The following GRID2 variants were observed in gnomAD, a reference collection of about 807,000 sequenced individuals.
GRID2 encodes the protein glutamate receptor ionotropic, delta-2.
In GRID2, 33 loss-of-function variants were observed where a neutral mutation model predicts 114.8. The observed-to-expected ratio is 0.29, with a 90% CI of 0.22 to 0.38. GRID2 has a LOEUF of 0.38. Among genes scored for constraint, GRID2 ranks in the 10% least tolerant of loss-of-function variants. The pLI, the probability that GRID2 is intolerant of heterozygous loss-of-function variation, is 1.00. For missense variants in GRID2, 1,184 were observed against 1,257.7 expected, an observed-to-expected ratio of 0.94 and a Z score of 0.89; for synonymous variants, 505 against 449.9, an observed-to-expected ratio of 1.12 and a Z score of -1.55.
chr4:92,672,775 T>A (rs1431017103), intron 2 of GRID2, among the ~76,000 whole-genome samples: 6 of 152,124 alleles, frequency 3.9e-5, no homozygotes, highest in Non-Finnish European at 8.8e-5. Context: ...CAAGTCAGGG[T>A]AATTAGGATA....
intron 1 of GRID2, among the ~76,000 whole-genome samples, chr4:92,321,849 C>A (rs1006637433): frequency 6.6e-6 from 1 of 152,106 alleles, no homozygotes; most frequent in Non-Finnish European, 1.5e-5. Context: ...ATGTTCAAAT[C>A]TTGCCTTGGT....
intron 1 of GRID2, among the ~76,000 whole-genome samples, chr4:93,796,735 G>A (rs1316888465): frequency 6.6e-6 from 1 of 152,112 alleles, no homozygotes; most frequent in East Asian, 1.9e-4. Flanking sequence ...ATTTTTAGTA[G>A]AGATGGGTTT....
intron 14 of GRID2, among the ~76,000 whole-genome samples, chr4:93,723,664 C>A (rs957816319): frequency 6.6e-6 from 1 of 152,108 alleles, no homozygotes; most frequent in Admixed American, 6.6e-5. Context: ...TATAAAGATA[C>A]CATCAATATG....
intron 13 of GRID2, among the ~76,000 whole-genome samples, chr4:93,594,995 T>A (rs1340147739): frequency 2.0e-5 from 3 of 152,148 alleles, no homozygotes; most frequent in Non-Finnish European, 4.4e-5. Context: ...CAGATGGAAA[T>A]GCAGAAATCA....
intron 2 of GRID2, among the ~76,000 whole-genome samples, chr4:93,012,742 C>G (rs546973854): frequency 6.6e-6 from 1 of 151,896 alleles, no homozygotes; most frequent in African/African-American, 2.4e-5. Flanking sequence ...AATGAAATTG[C>G]CTTTAAATAG....
chr4:92,427,646 A>C (rs548860041), intron 1 of GRID2, among the ~76,000 whole-genome samples: 3 of 152,304 alleles, frequency 2.0e-5, no homozygotes, highest in African/African-American at 7.2e-5. Flanking sequence ...AAAGGTAGCA[A>C]CTAGAACATT....
At chr4:93,018,938 G>C (rs1044341597) in intron 2 of GRID2, among the ~76,000 whole-genome samples, 1 of 152,078 alleles carries the variant, frequency 6.6e-6, no homozygotes, top group Non-Finnish European at 1.5e-5. Flanking sequence ...AAATAATCTA[G>C]ATCCACTTCC....
At chr4:93,777,099 C>T (rs1734384793), downstream of GRID2, among the ~76,000 whole-genome samples, 2 of 152,180 alleles carry the variant, frequency 1.3e-5, no homozygotes, top group Admixed American at 6.5e-5. Context: ...AAGTATCCTT[C>T]AGGCTGCCCA....
chr4:92,979,537 G>T lies in GRID2; in HGVS notation c.245-105458G>T, dbSNP rs147900748. Among the ~76,000 whole-genome samples, 82 of 152,162 alleles carry T rather than the reference G, an allele frequency of 5.4e-4. No homozygotes were observed. In the East Asian group the frequency reaches 0.015, roughly 28 times the overall value. ...ATAATTTGAATGCATGCTGAAGTTTGCAAAATGCTGCTGTATATATTGTTG... is the reference window on the plus strand; with the variant it reads ...ATAATTTGAATGCATGCTGAAGTTTTCAAAATGCTGCTGTATATATTGTTG... On this transcript the variant is annotated intron_variant, in intron 2 of 15. Coordinates refer to ENST00000282020, the MANE Select transcript of GRID2 (RefSeq NM_001510.4).
chr4:93,487,454 G>A (rs1726526628), intron 11 of GRID2, among the ~76,000 whole-genome samples: 1 of 151,574 alleles, frequency 6.6e-6, no homozygotes, highest in South Asian at 2.1e-4. Flanking sequence ...TTCAAAACTT[G>A]TGAAATTTTG....
At chr4:92,676,329 A>C (rs777188394) in intron 2 of GRID2, among the ~76,000 whole-genome samples, 118 of 151,764 alleles carry the variant, frequency 7.8e-4, no homozygotes, top group South Asian at 3.7e-3. Context: ...ACAGGTGCCC[A>C]CCACAACGCC....
At position 93,766,735 on chromosome 4, in the gene GRID2, G is replaced by T. The variant is rs138281727; in HGVS notation, c.2361-2475G>T. 2.7e-3 allele frequency among the ~76,000 whole-genome samples: 414 copies of T among 152,160 alleles called. 2 individuals carry two copies. Among genetic ancestry groups the T allele is most frequent in the African/African-American group, 9.5e-3 (396 of 41,508 alleles). ...CATTTTTCCTCCAAGGTAATCAATG[G>T]TGCTCTGACTACCTAGAGCCTTTAG... On this transcript the variant is annotated intron_variant, in intron 14 of 15. Transcript: ENST00000282020.
At chr4:93,518,967 G>A (rs1730071158) in intron 13 of GRID2, among the ~76,000 whole-genome samples, 1 of 152,138 alleles carries the variant, frequency 6.6e-6, no homozygotes, top group South Asian at 2.1e-4. Flanking sequence ...GATGAATCAT[G>A]TAGGGTCTAG....
chr4:93,580,984 T>G (rs2149594132), intron 13 of GRID2, among the ~76,000 whole-genome samples: 1 of 152,148 alleles, frequency 6.6e-6, no homozygotes, highest in South Asian at 2.1e-4. Context: ...CTGGGATACA[T>G]GTGCAGAACA....
chr4:92,687,626 G>A (rs1287699976), intron 2 of GRID2, among the ~76,000 whole-genome samples: 1 of 152,018 alleles, frequency 6.6e-6, no homozygotes, highest in African/African-American at 2.4e-5. Flanking sequence ...TGAGGAGATC[G>A]AGACCATCCT....
intron 2 of GRID2, among the ~76,000 whole-genome samples, chr4:92,737,785 A>C (rs1024195648): frequency 2.6e-5 from 4 of 152,166 alleles, no homozygotes; most frequent in African/African-American, 9.6e-5. Context: ...ATTCAGAGAA[A>C]TGAGTATTTT....
At chr4:92,578,079 T>G in intron 1 of GRID2, among the ~76,000 whole-genome samples, 1 of 57,888 alleles carries the variant, frequency 1.7e-5, no homozygotes, top group Non-Finnish European at 3.5e-5. Flanking sequence ...TTCTTCTTCT[T>G]CTTCTTCTTC....
intron 13 of GRID2, among the ~76,000 whole-genome samples, chr4:93,521,292 G>C (rs982511237): frequency 6.6e-6 from 1 of 152,092 alleles, no homozygotes; most frequent in Admixed American, 6.6e-5. Context: ...AGGCCACAAG[G>C]CTGGATGTGG....
intron 10 of GRID2, among the ~76,000 whole-genome samples, chr4:93,423,218 G>C (rs1768475884): frequency 6.6e-6 from 1 of 151,694 alleles, no homozygotes; most frequent in South Asian, 2.1e-4. Context: ...AATAGAAAAG[G>C]GTTTAGAAGA....
Sources: gnomAD v4.1 joint callset for allele counts (sites outside exome capture counted in the v4.1 genomes callset) on GRCh38, gnomAD v4.1.1 for gene constraint, MANE v1.5 for transcripts, NCBI Gene and HGNC (gene_info 2026-07-23, HGNC 2026-07-21) for gene names.